The following ATP8A1 variants were observed in gnomAD, a reference collection of about 807,000 sequenced individuals.
The protein encoded by ATP8A1 is ATPase phospholipid transporting 8A1, also known as phospholipid-transporting ATPase IA.
ATP8A1 carries 90 observed loss-of-function variants against 177.7 expected under a neutral mutation model. That is an observed-to-expected ratio of 0.51 (90% CI 0.43 to 0.60). The LOEUF is 0.60. ATP8A1 is among the 20% of genes least tolerant of loss of function. The probability of loss-of-function intolerance (pLI) is 0.00; values close to 1 mark genes in which losing one functional copy is unlikely to be tolerated. For synonymous variants in ATP8A1, 493 were observed against 485.9 expected (o/e 1.01, Z -0.19); for missense variants, 1,072 against 1,392.8 (o/e 0.77, Z 3.67).
chr4:42,636,095 T>G (rs1222898112), intron 1 of ATP8A1, among the ~76,000 whole-genome samples: 1 of 124,920 alleles, frequency 8.0e-6, no homozygotes, highest in Admixed American at 8.4e-5. Flanking sequence ...GGGGGAGTTC[T>G]CCAAAGGAAA....
chr4:42,644,398 C>T (rs945311029), intron 1 of ATP8A1, among the ~76,000 whole-genome samples: 1 of 152,110 alleles, frequency 6.6e-6, no homozygotes, highest in Non-Finnish European at 1.5e-5. Flanking sequence ...AATCAGTTGC[C>T]ATCTGGGGTT....
At position 42,419,709 on chromosome 4, in the gene ATP8A1, T is replaced by G. The variant is rs566458520; in HGVS notation, c.3305+3098A>C. Among the ~76,000 whole-genome samples the G allele has an allele frequency of 2.6e-5, 4 of 152,252 alleles. No homozygotes were observed. In the East Asian group the frequency reaches 7.7e-4, roughly 29 times the overall value. ...CCCTTTTGATAAAGTAGATATAAAATTTGCTAAGTTTTGGCTGGGTGCAGT... is the reference window on the plus strand; with the variant it reads ...CCCTTTTGATAAAGTAGATATAAAAGTTGCTAAGTTTTGGCTGGGTGCAGT... On this transcript the variant is annotated intron_variant, in intron 35 of 36. Coordinates refer to ENST00000381668, the MANE Select transcript of ATP8A1 (RefSeq NM_006095.2).
intron 24 of ATP8A1, among the ~76,000 whole-genome samples, chr4:42,493,226 C>T (rs564013014): frequency 1.1e-4 from 17 of 152,244 alleles, no homozygotes; most frequent in Admixed American, 3.9e-4. Flanking sequence ...GAACTAAGTT[C>T]CAAAGGTCGA....
chr4:42,444,165 A>G (rs1163839486), intron 32 of ATP8A1, among the ~76,000 whole-genome samples: 2 of 152,168 alleles, frequency 1.3e-5, no homozygotes. Flanking sequence ...ATGGAACAAG[A>G]CTGGGTATTT....
At position 42,411,780 on chromosome 4, in the gene ATP8A1, C is replaced by T. The variant is rs1037639974; in HGVS notation, c.*1136G>A. ...ATTTGTCCCAATAAGCAGCATGTGA[C>T]GAATTTTGGGAACTATTTGATGAGT... is the stretch of plus-strand genomic sequence containing the variant. On this transcript the variant is annotated 3_prime_UTR_variant, in exon 37 of 37. Coordinates refer to ENST00000381668, the MANE Select transcript of ATP8A1 (RefSeq NM_006095.2). 9 of 152,058 alleles carry T rather than the reference C, an allele frequency of 5.9e-5. No homozygotes were observed. The highest frequency in any genetic ancestry group is 1.2e-4 in the Non-Finnish European group (8 of 68,022). The allele number at this position is 152,058 out of a possible 1,614,324, so 9.4% of individuals were successfully genotyped here.
At chr4:42,437,705 G>A (rs1391306807) in intron 33 of ATP8A1, among the ~76,000 whole-genome samples, 1 of 152,154 alleles carries the variant, frequency 6.6e-6, no homozygotes, top group Non-Finnish European at 1.5e-5. Flanking sequence ...CATGGGTAGA[G>A]ATGTCGAATT....
chr4:42,414,758 T>A (rs1268859795), intron 35 of ATP8A1, 40 bp from the exon 36 acceptor site: 2 of 1,511,108 alleles, frequency 1.3e-6, no homozygotes, highest in Non-Finnish European at 1.8e-6. Context: ...AATTATCAAC[T>A]CGGCAGAGAC....
At chr4:42,496,984 G>A (rs757308261) in intron 24 of ATP8A1, among the ~76,000 whole-genome samples, 2 of 152,150 alleles carry the variant, frequency 1.3e-5, no homozygotes, top group Non-Finnish European at 2.9e-5. Context: ...GGTCCTGGTG[G>A]TGAGTGGTAA....
chr4:42,479,995 C>CTT (rs1721492598), intron 25 of ATP8A1, among the ~76,000 whole-genome samples: 1 of 24,298 alleles, frequency 4.1e-5, no homozygotes, highest in Admixed American at 4.3e-4. Flanking sequence ...TGCAGTTCTG[C>CTT]TTGTGTGTGT....
At position 42,509,037 on chromosome 4, in the gene ATP8A1, C is replaced by A. The variant is rs149090661; in HGVS notation, c.1948-1883G>T. ...TTTATACCTGCATTAGTTTGGAATG[C>A]TTTTTGGCTGCAAGTAATAGAAAAA... On this transcript the variant is annotated intron_variant, in intron 22 of 36. Coordinates refer to ENST00000381668, the MANE Select transcript of ATP8A1 (RefSeq NM_006095.2). 4.7e-4 allele frequency among the ~76,000 whole-genome samples: 71 copies of A among 152,302 alleles called. No homozygotes were observed. In the East Asian group the frequency reaches 0.011, roughly 24 times the overall value.
At chr4:42,446,545 G>C (rs528657809) in intron 31 of ATP8A1, 38 bp downstream of exon 31, 1 of 1,587,710 alleles carries the variant, frequency 6.3e-7, no homozygotes, top group African/African-American at 1.3e-5. Context: ...GAAAGGTTTT[G>C]ATTTTACACG....
chr4:42,479,227 G>A (rs1721401805), intron 25 of ATP8A1, among the ~76,000 whole-genome samples: 1 of 152,166 alleles, frequency 6.6e-6, no homozygotes, highest in Admixed American at 6.5e-5. Context: ...TGCTACAACT[G>A]CAGAGTTGAG....
intron 20 of ATP8A1, among the ~76,000 whole-genome samples, chr4:42,530,783 C>G (rs1158342072): frequency 6.6e-6 from 1 of 152,178 alleles, no homozygotes; most frequent in African/African-American, 2.4e-5. Context: ...GAATCAGCAT[C>G]CAATATATGG....
chr4:42,497,109 G>C (rs1450898262), intron 24 of ATP8A1, among the ~76,000 whole-genome samples: 8 of 152,206 alleles, frequency 5.3e-5, no homozygotes. Flanking sequence ...ATGAGTTACT[G>C]CTGCCACTGG....
intron 1 of ATP8A1, among the ~76,000 whole-genome samples, chr4:42,643,619 C>A (rs1009718302): frequency 2.0e-5 from 3 of 152,188 alleles, no homozygotes; most frequent in Non-Finnish European, 4.4e-5. Flanking sequence ...ACTATCATTT[C>A]TCCTTGTTTC....
intron 15 of ATP8A1, among the ~76,000 whole-genome samples, chr4:42,565,630 A>T (rs548949765): frequency 7.0e-4 from 106 of 152,354 alleles, no homozygotes; most frequent in Non-Finnish European, 1.4e-3. Context: ...AAACTATATT[A>T]AACAGTTGAG....
chr4:42,468,025 C>T (rs1036446149), intron 25 of ATP8A1, among the ~76,000 whole-genome samples: 4 of 152,086 alleles, frequency 2.6e-5, no homozygotes, highest in African/African-American at 4.8e-5. Context: ...AACCACAATG[C>T]GATACCACCT....
intron 33 of ATP8A1, among the ~76,000 whole-genome samples, chr4:42,427,915 C>A (rs1714807667): frequency 6.6e-6 from 1 of 152,212 alleles, no homozygotes; most frequent in African/African-American, 2.4e-5. Context: ...TTACAAACAT[C>A]CCACACAACT....
chr4:42,463,462 C>T (rs768032255), intron 27 of ATP8A1, among the ~76,000 whole-genome samples: 1 of 152,198 alleles, frequency 6.6e-6, no homozygotes, highest in South Asian at 2.1e-4. Flanking sequence ...GCCTCCCCAG[C>T]CATGTGGAAC....
Sources: gnomAD v4.1 joint callset for allele counts (sites outside exome capture counted in the v4.1 genomes callset) on GRCh38, gnomAD v4.1.1 for gene constraint, MANE v1.5 for transcripts, NCBI Gene and HGNC (gene_info 2026-07-23, HGNC 2026-07-21) for gene names.